The following GRIN2A variants were observed in gnomAD, a reference collection of about 807,000 sequenced individuals.
The protein encoded by GRIN2A is glutamate ionotropic receptor NMDA type subunit 2A.
GRIN2A carries 22 observed loss-of-function variants against 113.4 expected under a neutral mutation model. The ratio of observed to expected loss-of-function variants is 0.19; its 90% confidence interval spans 0.14 to 0.28. GRIN2A has a LOEUF of 0.28. GRIN2A is among the 10% of genes least tolerant of loss of function. The pLI is 1.00. For synonymous variants in GRIN2A, 827 were observed against 738.4 expected, an observed-to-expected ratio of 1.12 and a Z score of -1.94; for missense variants, 1,502 against 1,887.0, an observed-to-expected ratio of 0.80 and a Z score of 3.78.
intron 10 of GRIN2A, among the ~76,000 whole-genome samples, chr16:9,802,440 A>T (rs2141243569): frequency 6.6e-6 from 1 of 152,346 alleles, no homozygotes; most frequent in Admixed American, 6.5e-5. Context: ...TGCAGGAACA[A>T]ACTATGAATT....
chr16:9,927,918 T>C (rs535956391), intron 3 of GRIN2A, among the ~76,000 whole-genome samples: 1 of 152,324 alleles, frequency 6.6e-6, no homozygotes, highest in East Asian at 1.9e-4. Context: ...GGATTTACTC[T>C]TTGTGTTTGG....
chr16:9,970,701 G>T lies in GRIN2A; in HGVS notation c.415-32150C>A, dbSNP rs144166249. The T allele has an allele frequency of 1.4e-4, 114 of 826,310 alleles. No individual in the cohort carries two copies. In the African/African-American group the frequency reaches 2.0e-3, roughly 15 times the overall value. 51.2% of individuals were successfully genotyped at this position (826,310 alleles called of 1,614,324 possible). On this transcript the variant is annotated intron_variant, in intron 2 of 12. Transcript: ENST00000330684. The stretch of plus-strand genomic sequence containing the variant: ...CTCTGATGAGCTAGACACAAAGTTA[G>T]GTACTGAAGATAAAATAAATAAAGC...
At position 9,822,274 on chromosome 16, in the gene GRIN2A, G is replaced by A; in HGVS notation, c.2158C>T (p.Leu720=). ...AACTGCCATCCTTACCCCGTTTTCAGGCTGACCAAGGCGTCCTCTACTCCT... is the reference window on the plus strand; with the variant it reads ...AACTGCCATCCTTACCCCGTTTTCAAGCTGACCAAGGCGTCCTCTACTCCT... The part of the protein sequence containing the change: ...QKGVEDALVS[L]KTGKLDAFIY... The change falls in exon 10 of 13, where the codon CTG becomes TTG. Residue 720 remains leucine, a synonymous_variant. Transcript: ENST00000330684. 2.5e-6 allele frequency: 4 copies of A among 1,613,796 alleles called. No individual in the cohort carries two copies. The highest frequency in any genetic ancestry group is 1.7e-4 in the Middle Eastern group (1 of 6,060).
intron 2 of GRIN2A, among the ~76,000 whole-genome samples, chr16:10,016,764 C>T (rs1214692405): frequency 1.3e-5 from 2 of 152,176 alleles, no homozygotes; most frequent in Non-Finnish European, 2.9e-5. Context: ...GCTCTCTGGG[C>T]CTCCCGGCCT....
intron 2 of GRIN2A, among the ~76,000 whole-genome samples, chr16:10,070,660 T>C (rs144069332): frequency 6.6e-6 from 1 of 152,302 alleles, no homozygotes; most frequent in East Asian, 1.9e-4. Context: ...TCATCAGATT[T>C]TCCAGATGAT....
chr16:9,934,250 T>C (rs2044661041), intron 3 of GRIN2A, among the ~76,000 whole-genome samples: 2 of 152,250 alleles, frequency 1.3e-5, no homozygotes, highest in Admixed American at 1.3e-4. Flanking sequence ...TTCCTAAGTT[T>C]GTCTTTAGAT....
chr16:10,118,350 C>T (rs1434982105), intron 2 of GRIN2A, among the ~76,000 whole-genome samples: 3 of 152,094 alleles, frequency 2.0e-5, no homozygotes, highest in African/African-American at 4.8e-5. Flanking sequence ...ATGGTCACCC[C>T]CACCCCACCC....
intron 2 of GRIN2A, among the ~76,000 whole-genome samples, chr16:10,143,057 G>A (rs1018419946): frequency 6.6e-6 from 1 of 152,164 alleles, no homozygotes; most frequent in South Asian, 2.1e-4. Flanking sequence ...TATCCAATTA[G>A]ATTTGCCGGT....
In GRIN2A at chr16:9,775,456, A is replaced by G. The variant is rs1179129376; in HGVS notation, c.2357-6367T>C. Among the ~76,000 whole-genome samples the G allele has an allele frequency of 2.0e-5, 3 of 152,308 alleles. No homozygotes were observed. In the East Asian group the frequency reaches 5.8e-4, roughly 29 times the overall value. ...AACATCTCTGTATTTTCATATAGAGATGAATTACAGATAGTCTTTGGCCTC... is the reference window on the plus strand; with the variant it reads ...AACATCTCTGTATTTTCATATAGAGGTGAATTACAGATAGTCTTTGGCCTC... On this transcript the variant is annotated intron_variant, in intron 11 of 12. Transcript: ENST00000330684.
chr16:10,049,375 T>G (rs1371062610), intron 2 of GRIN2A, among the ~76,000 whole-genome samples: 1 of 150,988 alleles, frequency 6.6e-6, no homozygotes, highest in Admixed American at 6.6e-5. Flanking sequence ...ATTTATTGAT[T>G]TTTTACTATT....
intron 2 of GRIN2A, among the ~76,000 whole-genome samples, chr16:9,978,197 A>T (rs2045814272): frequency 6.6e-6 from 1 of 152,334 alleles, no homozygotes; most frequent in South Asian, 2.1e-4. Context: ...AATGCAAGTT[A>T]GAGTTGTGTG....
intron 10 of GRIN2A, 139 bp from the exon 11 acceptor site, chr16:9,798,603 A>C: frequency 6.3e-6 from 4 of 633,072 alleles, no homozygotes; most frequent in Non-Finnish European, 1.1e-5. Context: ...CCATCCCCTC[A>C]TCATAAAAGG....
chr16:10,109,601 G>A (rs1167227649), intron 2 of GRIN2A, among the ~76,000 whole-genome samples: 18 of 141,204 alleles, frequency 1.3e-4, no homozygotes, highest in African/African-American at 2.1e-4. Flanking sequence ...AAGGTAGGCT[G>A]AAATCCAAAG....
At position 9,757,518 on chromosome 16, in the gene GRIN2A, C is replaced by T. The variant is rs997921951; in HGVS notation, c.*5631G>A. 1.7e-5 allele frequency: 4 copies of T among 228,648 alleles called. No individual in the cohort carries two copies. Among genetic ancestry groups the T allele is most frequent in the Non-Finnish European group, 3.5e-5 (4 of 115,296 alleles). The allele number at this position is 228,648 out of a possible 1,614,324, so 14.2% of individuals were successfully genotyped here. A position where few individuals can be genotyped will look rare whatever the true frequency, so the allele number is the denominator to read the frequency against. ...TGTATTAGAGAACTGAACTTCTAAA[C>T]CATAAGCTACTTATGGGAAGAGACT... On this transcript the variant is annotated 3_prime_UTR_variant, in exon 13 of 13. Transcript: ENST00000330684.
rs564238535 is a variant in GRIN2A at position 9,884,223 on chromosome 16, G to A, written c.1122+6763C>T. ...AGCTAGCCTGTATGTGTATATAGGT[G>A]TATGCATAAACACACATATATTTTC... is the stretch of plus-strand genomic sequence containing the variant. On this transcript the variant is annotated intron_variant, in intron 4 of 12. Transcript: ENST00000330684. Among the ~76,000 whole-genome samples, 262 of 152,236 alleles carry A rather than the reference G, an allele frequency of 1.7e-3. 1 individual carries two copies. Among genetic ancestry groups the A allele is most frequent in the African/African-American group, 6.0e-3 (250 of 41,534 alleles).
At chr16:10,017,408 G>A (rs1238320269) in intron 2 of GRIN2A, among the ~76,000 whole-genome samples, 1 of 151,916 alleles carries the variant, frequency 6.6e-6, no homozygotes, top group Non-Finnish European at 1.5e-5. Context: ...AGGCAGGAGG[G>A]GAAATCATTT....
intron 2 of GRIN2A, among the ~76,000 whole-genome samples, chr16:9,991,601 T>A (rs143896178): frequency 1.8e-3 from 271 of 152,242 alleles, no homozygotes; most frequent in African/African-American, 6.1e-3. Context: ...ACCCTCTGTG[T>A]CCATGTGTAT....
chr16:10,126,814 G>T (rs946386248), intron 2 of GRIN2A, among the ~76,000 whole-genome samples: 2 of 152,118 alleles, frequency 1.3e-5, no homozygotes, highest in South Asian at 2.1e-4. Flanking sequence ...TGAGTCACCT[G>T]CTCACATGTC....
chr16:9,898,044 C>G (rs2043840962), intron 3 of GRIN2A, among the ~76,000 whole-genome samples: 2 of 144,998 alleles, frequency 1.4e-5, no homozygotes, highest in South Asian at 2.2e-4. Flanking sequence ...ATCTACTGAG[C>G]CTCCATTTCC....
Sources: allele counts gnomAD v4.1 joint callset (sites outside exome capture counted in the v4.1 genomes callset), GRCh38; gene constraint gnomAD v4.1.1; transcripts MANE v1.5; gene names NCBI Gene and HGNC (gene_info 2026-07-23, HGNC 2026-07-21).